Variants in NSUN5 observed in about 807,000 individuals in gnomAD.
The protein encoded by NSUN5 is NOP2/Sun RNA methyltransferase 5, also known as 28S rRNA (cytosine-C(5))-methyltransferase.
NSUN5 carries 39 observed loss-of-function variants against 51.1 expected under a neutral mutation model. The ratio of observed to expected loss-of-function variants is 0.76; its 90% CI spans 0.59 to 1.00. NSUN5 has a LOEUF of 1.00. Among genes scored for constraint, NSUN5 ranks in the 50% least tolerant of loss-of-function variants. The pLI, the probability that NSUN5 is intolerant of heterozygous loss-of-function variation, is 0.00. For synonymous variants in NSUN5, 266 were observed against 271.5 expected, an observed-to-expected ratio of 0.98 and a Z score of 0.20; for missense variants, 526 against 614.0, an observed-to-expected ratio of 0.86 and a Z score of 1.51.
Position 73,307,459 on chromosome 7 carries a change from G to C in NSUN5, c.435C>G (p.Thr145=), listed in dbSNP as rs141052897. ...AATAATCAACTACATCATCGGAGCA[G>C]GTCTTGAGAGTGTTCACACGCACAA... ...PRFVRVNTLK[T]CSDDVVDYFK... is the part of the protein sequence containing the mutation. Residue 145 remains threonine, a synonymous_variant, in exon 4 of 10, where the codon ACC becomes ACG. Coordinates refer to ENST00000438747, the MANE Select transcript of NSUN5 (RefSeq NM_148956.4). The C allele has an allele frequency of 2.5e-6, 4 of 1,614,038 alleles. No individual in the cohort carries two copies. The African/African-American group carries it at 5.3e-5, about 22-fold the overall frequency.
Position 73,304,268 on chromosome 7 carries a change from A to T in NSUN5, c.896T>A (p.Val299Asp). ...GGAAGGATCCAGCAGGATGTAGTGG[A>T]CCTCATGGTAGCGTGGATCCGAGGG... ...VSPSDPRYHE[V>D]HYILLDPSCS... is the part of the protein sequence containing the mutation. Residue 299 changes from valine to aspartate, a missense_variant, in exon 7 of 10, where the codon GTC (valine) becomes GAC (aspartate). By Grantham distance (152) the Val-to-Asp change is radical. Transcript: ENST00000438747. The T allele has an allele frequency of 6.2e-7, 1 of 1,613,948 alleles. No individual in the cohort carries two copies. Among genetic ancestry groups the T allele is most frequent in the Non-Finnish European group, 8.5e-7 (1 of 1,179,928 alleles).
chr7:73,307,273 T>G (rs375837633), intron 4 of NSUN5, 121 bp downstream of exon 4: 1 of 710,550 alleles, frequency 1.4e-6, no homozygotes, highest in Non-Finnish European at 2.4e-6. Flanking sequence ...TGGAGATGGA[T>G]AAACTGCTGG....
In NSUN5 at chr7:73,303,001, A is replaced by C; in HGVS notation, c.*414T>G. ...TAAGGTAGACCCTCCTAGTGTCAGC[A>C]CCTGAGCTAGTTTACCTCAGTTCCG... On this transcript the variant is annotated 3_prime_UTR_variant, in exon 10 of 10. Coordinates refer to ENST00000438747, the MANE Select transcript of NSUN5 (RefSeq NM_148956.4). 3.2e-6 allele frequency: 4 copies of C among 1,237,584 alleles called. No homozygotes were observed. Among genetic ancestry groups the C allele is most frequent in the Non-Finnish European group, 4.1e-6 (4 of 980,398 alleles). The allele number at this position is 1,237,584 out of a possible 1,614,324, so 76.7% of individuals were successfully genotyped here.
intron 4 of NSUN5, among the ~76,000 whole-genome samples, chr7:73,305,798 A>G (rs1804015944): frequency 6.6e-6 from 1 of 152,166 alleles, no homozygotes; most frequent in African/African-American, 2.4e-5. Flanking sequence ...GAAATCTGTC[A>G]AAGTGGCAGA....
Position 73,303,432 on chromosome 7 carries a change from T to C in NSUN5, c.1384A>G (p.Thr462Ala). The C allele has an allele frequency of 6.2e-7, 1 of 1,614,180 alleles. No individual in the cohort carries two copies. The change falls in exon 10 of 10, where the codon ACA becomes GCA. Residue 462 changes from threonine (T) to alanine (A), a missense_variant. Coordinates refer to ENST00000438747, the MANE Select transcript of NSUN5 (RefSeq NM_148956.4). Reference protein sequence around the residue: ...RQQRAAAGACTPPCT With the variant: ...RQQRAAAGACAPPCT ...AGCCTCTGCTATGTGCAAGGCGGTG[T>C]GCAAGCACCGGCTGCGGCTCTTTGC...
intron 6 of NSUN5, 141 bp downstream of exon 6, chr7:73,304,606 A>G (rs374275006): frequency 1.6e-4 from 143 of 887,726 alleles, no homozygotes; most frequent in East Asian, 1.6e-3. Context: ...CAGTGGGGAA[A>G]GCTTAGCTTG....
At chr7:73,304,431 T>C in intron 6 of NSUN5, 23 bp from the exon 7 acceptor site, 1 of 1,596,342 alleles carries the variant, frequency 6.3e-7, no homozygotes, top group Non-Finnish European at 8.5e-7. Flanking sequence ...AGGGGTGAGC[T>C]GAGCACGCAT....
intron 2 of NSUN5, 190 bp downstream of exon 2, chr7:73,308,241 T>G: frequency 1.3e-6 from 1 of 746,658 alleles, no homozygotes; most frequent in East Asian, 2.8e-5. Flanking sequence ...TTCGGTTATT[T>G]AATCCTTCAA....
In NSUN5 at chr7:73,308,485, G is replaced by C; in HGVS notation, c.162C>G (p.Ile54Met). 6.2e-7 allele frequency: 1 copy of C among 1,608,316 alleles called. No homozygotes were observed. The highest frequency in any genetic ancestry group is 8.5e-7 in the Non-Finnish European group (1 of 1,176,866). The change falls in exon 2 of 10, where the codon ATC becomes ATG. Residue 54 changes from isoleucine to methionine, a missense_variant. Transcript: ENST00000438747. ...CCGCACGGAGGAGGCCGGCGCTGGCGATCACAGCATCCAGCACGGCGGAGT... is the reference window on the plus strand; with the variant it reads ...CCGCACGGAGGAGGCCGGCGCTGGCCATCACAGCATCCAGCACGGCGGAGT... ...QRYSAVLDAV[I>M]ASAGLLRAEK...
Position 73,303,585 on chromosome 7 carries a change from C to G in NSUN5, c.1286+15G>C. Reference sequence around the variant, plus strand: ...TGCCATCCTGCGCCTCCCAAGCACGCCCCCACTCACTCACCTTGGCACCTC... The same window carrying G: ...TGCCATCCTGCGCCTCCCAAGCACGGCCCCACTCACTCACCTTGGCACCTC... On this transcript the variant is annotated intron_variant, in intron 9 of 9. Coordinates refer to ENST00000438747, the MANE Select transcript of NSUN5 (RefSeq NM_148956.4). 6.2e-7 allele frequency: 1 copy of G among 1,614,208 alleles called. No individual in the cohort carries two copies. Among genetic ancestry groups the G allele is most frequent in the South Asian group, 1.1e-5 (1 of 91,074 alleles).
At position 73,308,504 on chromosome 7, in the gene NSUN5, G is replaced by A. The variant is rs1804140871; in HGVS notation, c.143C>T (p.Ala48Val). ...ALVCETQRYS[A>V]VLDAVIASAG... is the part of the protein sequence containing the mutation. ...GCTGGCGATCACAGCATCCAGCACGGCGGAGTAGCGCTGCGTTTCGCACAC... is the reference window on the plus strand; with the variant it reads ...GCTGGCGATCACAGCATCCAGCACGACGGAGTAGCGCTGCGTTTCGCACAC... Residue 48 changes from alanine (A) to valine (V), a missense_variant, in exon 2 of 10, where the codon GCC becomes GTC. Ala to Val is a moderately conservative substitution (Grantham distance 64). Coordinates refer to ENST00000438747, the MANE Select transcript of NSUN5 (RefSeq NM_148956.4). 4 of 1,605,676 alleles carry A rather than the reference G, an allele frequency of 2.5e-6. No homozygotes were observed. Among genetic ancestry groups the A allele is most frequent in the South Asian group, 2.2e-5 (2 of 90,858 alleles).
At chr7:73,304,529 TCA>T in intron 6 of NSUN5, 121 bp from the exon 7 acceptor site, 2 of 1,054,492 alleles carry the variant, frequency 1.9e-6, no homozygotes, top group Non-Finnish European at 2.8e-6. Flanking sequence ...TTTAAAGGGC[TCA>T]CAGTCAGAGG....
chr7:73,308,672 C>T (rs1563293733), intron 1 of NSUN5, 26 bp downstream of exon 1: 1 of 1,606,136 alleles, frequency 6.2e-7, no homozygotes, highest in Non-Finnish European at 8.5e-7. Context: ...CTCCCCACCC[C>T]TACTACTCGC....
At position 73,305,105 on chromosome 7, in the gene NSUN5, G is replaced by T; in HGVS notation, c.501-8C>A. Reference sequence around the variant, plus strand: ...GCTCGTAAGTCATCGAGGCTGCCAGGGAAGAACCATTCATTCATTTCCTGA... The same window carrying T: ...GCTCGTAAGTCATCGAGGCTGCCAGTGAAGAACCATTCATTCATTTCCTGA... On this transcript the variant is annotated splice_polypyrimidine_tract_variant and splice_region_variant and intron_variant, in intron 4 of 9. Coordinates refer to ENST00000438747, the MANE Select transcript of NSUN5 (RefSeq NM_148956.4). 6.2e-7 allele frequency: 1 copy of T among 1,609,896 alleles called. No individual in the cohort carries two copies.
Position 73,305,068 on chromosome 7 carries a change from T to C in NSUN5, c.530A>G (p.Lys177Arg), listed in dbSNP as rs1554541627. Residue 177 changes from lysine to arginine, a missense_variant, in exon 5 of 10, where the codon AAG (lysine) becomes AGG (arginine). By Grantham distance (26) the Lys-to-Arg change is conservative (BLOSUM62 2). Transcript: ENST00000438747. ...CATCAAGGGGTCCAGGAGAAAATGC[T>C]TCCCCTTGAGGGCTCGTAAGTCATC... ...SLDDLRALKG[K>R]HFLLDPLMPE... The C allele has an allele frequency of 6.2e-7, 1 of 1,610,400 alleles. No homozygotes were observed. Among genetic ancestry groups the C allele is most frequent in the Non-Finnish European group, 8.5e-7 (1 of 1,177,916 alleles).
chr7:73,308,285 T>C (rs1804128280), intron 2 of NSUN5, 146 bp downstream of exon 2: 6 of 1,004,736 alleles, frequency 6.0e-6, no homozygotes, highest in Non-Finnish European at 7.1e-6. Context: ...CATCCCATCT[T>C]AATTCGTAAC....
intron 5 of NSUN5, 37 bp from the exon 6 acceptor site, chr7:73,304,899 C>A (rs1192597452): frequency 1.2e-6 from 2 of 1,613,166 alleles, no homozygotes; most frequent in Non-Finnish European, 1.7e-6. Flanking sequence ...TAAACAGAGA[C>A]CCCAGGCTAG....
chr7:73,303,640 C>G lies in NSUN5; in HGVS notation c.1246G>C (p.Gly416Arg). ...CGTTCAATTACAGCAACGAAGAAGC[C>G]ACTGCTGAGTGTGGTCTCAGGGGAG... ...RASPETTLSS[G>R]FFVAVIERVE... The change falls in exon 9 of 10, where the codon GGC (glycine) becomes CGC (arginine). Residue 416 changes from glycine to arginine, a missense_variant. Gly to Arg is a moderately radical substitution (Grantham distance 125). Coordinates refer to ENST00000438747, the MANE Select transcript of NSUN5 (RefSeq NM_148956.4). The G allele has an allele frequency of 1.2e-6, 2 of 1,614,200 alleles. No individual in the cohort carries two copies. The highest frequency in any genetic ancestry group is 1.7e-6 in the Non-Finnish European group (2 of 1,180,038).
chr7:73,303,790 CCCCCACT>C (rs1803908791), intron 8 of NSUN5, 29 bp downstream of exon 8: 2 of 1,613,610 alleles, frequency 1.2e-6, no homozygotes, highest in Non-Finnish European at 1.7e-6. Flanking sequence ...CTCACCCCGT[CCCCCACT>C]CCCCACGACC....
Sources: allele counts gnomAD v4.1 joint callset (sites outside exome capture counted in the v4.1 genomes callset), GRCh38; gene constraint gnomAD v4.1.1; transcripts MANE v1.5; gene names NCBI Gene and HGNC (gene_info 2026-07-23, HGNC 2026-07-21).